The following SAMD3 variants were observed in gnomAD, a reference collection of about 807,000 sequenced individuals.
SAMD3 encodes the protein sterile alpha motif domain containing 3, also known as sterile alpha motif domain-containing protein 3.
SAMD3 carries 63 observed loss-of-function variants against 58.5 expected under a neutral mutation model. That is an observed-to-expected ratio of 1.08 (90% CI 0.88 to 1.33). The LOEUF is 1.33. Ranked by LOEUF, SAMD3 falls within the 40% of genes most tolerant of loss-of-function variation. SAMD3 has a pLI of 0.00. For synonymous variants in SAMD3, 220 were observed against 210.3 expected, an observed-to-expected ratio of 1.05 and a Z score of -0.40; for missense variants, 604 against 608.4, an observed-to-expected ratio of 0.99 and a Z score of 0.08.
At chr6:130,319,687 T>C (rs1454470903) in intron 1 of SAMD3, among the ~76,000 whole-genome samples, 2 of 152,138 alleles carry the variant, frequency 1.3e-5, no homozygotes, top group African/African-American at 4.8e-5. Flanking sequence ...CTATACAAAA[T>C]AATGAAGAGA....
At chr6:130,365,230 G>A in exon 1 of SAMD3, 1 of 985,504 alleles carries the variant, frequency 1.0e-6, no homozygotes, top group South Asian at 4.7e-5. Flanking sequence ...GGGTCAAGGA[G>A]GAGTAACCTG....
chr6:130,365,380 G>C, exon 1 of SAMD3: 7 of 985,536 alleles, frequency 7.1e-6, no homozygotes, highest in Non-Finnish European at 7.2e-6. Flanking sequence ...ACCCCTTGCC[G>C]GGCCGGCGGG....
chr6:130,178,346 T>C (rs529002429), intron 7 of SAMD3, among the ~76,000 whole-genome samples: 46 of 148,808 alleles, frequency 3.1e-4, no homozygotes, highest in Non-Finnish European at 5.5e-4. Context: ...CAATGCCGTG[T>C]GATTGAATAG....
chr6:130,328,365 C>T (rs1776822516), intron 1 of SAMD3, among the ~76,000 whole-genome samples: 1 of 152,186 alleles, frequency 6.6e-6, no homozygotes, highest in African/African-American at 2.4e-5. Flanking sequence ...TACCTAGAGG[C>T]TCTGGCTAGG....
intron 2 of SAMD3, among the ~76,000 whole-genome samples, chr6:130,275,264 A>G (rs936805804): frequency 6.6e-6 from 1 of 151,974 alleles, no homozygotes; most frequent in East Asian, 1.9e-4. Context: ...TTACTTGCTG[A>G]TTTATTTTGC....
chr6:130,240,549 A>G (rs1282781757), intron 2 of SAMD3, among the ~76,000 whole-genome samples: 1 of 152,168 alleles, frequency 6.6e-6, no homozygotes, highest in African/African-American at 2.4e-5. Context: ...TGTCATAGTG[A>G]ATGCTGTGGT....
chr6:130,153,987 T>A (rs1452939149), intron 9 of SAMD3, among the ~76,000 whole-genome samples: 1 of 151,908 alleles, frequency 6.6e-6, no homozygotes, highest in Non-Finnish European at 1.5e-5. Context: ...CTAAATTTCA[T>A]ATATATTTAA....
chr6:130,234,794 AT>A (rs1796637950), intron 2 of SAMD3, among the ~76,000 whole-genome samples: 1 of 152,124 alleles, frequency 6.6e-6, no homozygotes, highest in African/African-American at 2.4e-5. Context: ...ATCTTTATAC[AT>A]TTTTTCTAAA....
At chr6:130,223,719 C>T (rs983309859), upstream of SAMD3, among the ~76,000 whole-genome samples, 4 of 152,188 alleles carry the variant, frequency 2.6e-5, no homozygotes, top group African/African-American at 9.7e-5. Flanking sequence ...CAGTACCCTG[C>T]AGCTCAAACC....
At chr6:130,250,685 T>C (rs1773708672) in intron 2 of SAMD3, among the ~76,000 whole-genome samples, 1 of 152,230 alleles carries the variant, frequency 6.6e-6, no homozygotes, top group Non-Finnish European at 1.5e-5. Flanking sequence ...AATGGCATTG[T>C]ACAATATGTG....
At chr6:130,344,125 T>C (rs1777368601) in intron 1 of SAMD3, among the ~76,000 whole-genome samples, 1 of 152,194 alleles carries the variant, frequency 6.6e-6, no homozygotes, top group African/African-American at 2.4e-5. Flanking sequence ...ATTTATTTTA[T>C]TATAGAGTAA....
rs761536288 is a variant in SAMD3, at chr6:130,146,198, G to A, written c.1024-17C>T. Reference sequence around the variant, plus strand: ...TCTGAACATCTGACAAAAGAAGAAAGCAATGGATACATCAGATCACAAGAA... The same window carrying A: ...TCTGAACATCTGACAAAAGAAGAAAACAATGGATACATCAGATCACAAGAA... On this transcript the variant is annotated splice_polypyrimidine_tract_variant and intron_variant, in intron 9 of 11. Transcript: ENST00000439090. 1.3e-6 allele frequency: 2 copies of A among 1,529,604 alleles called. No homozygotes were observed. The highest frequency in any genetic ancestry group is 2.5e-5 in the South Asian group (2 of 79,046). The allele number at this position is 1,529,604 out of a possible 1,614,324, so 94.8% of individuals were successfully genotyped here. A position where few individuals can be genotyped will look rare whatever the true frequency, so the allele number is the denominator to read the frequency against.
intron 1 of SAMD3, among the ~76,000 whole-genome samples, chr6:130,360,671 C>T (rs1210499093): frequency 2.0e-5 from 3 of 152,164 alleles, no homozygotes; most frequent in Non-Finnish European, 4.4e-5. Context: ...TATCAGGAGA[C>T]AGGGTTTGAG....
chr6:130,346,195 A>G (rs921847058), intron 1 of SAMD3, among the ~76,000 whole-genome samples: 1 of 152,250 alleles, frequency 6.6e-6, no homozygotes, highest in Non-Finnish European at 1.5e-5. Context: ...TACTGGGTTC[A>G]TCTCACTGGG....
At chr6:130,325,965 G>A (rs959122671) in intron 1 of SAMD3, among the ~76,000 whole-genome samples, 2 of 152,118 alleles carry the variant, frequency 1.3e-5, no homozygotes, top group African/African-American at 2.4e-5. Context: ...CCTCCCATGC[G>A]TCTCCCTTAC....
At chr6:130,335,205 G>A (rs1259914664) in intron 1 of SAMD3, among the ~76,000 whole-genome samples, 1 of 152,154 alleles carries the variant, frequency 6.6e-6, no homozygotes, top group Non-Finnish European at 1.5e-5. Flanking sequence ...AAGGTTGTGG[G>A]TTCTCTCCCT....
At chr6:130,172,061 T>G (rs150710334) in intron 8 of SAMD3, among the ~76,000 whole-genome samples, 12,754 of 152,240 alleles carry the variant, frequency 0.084, 784 homozygotes, top group African/African-American at 0.17. Flanking sequence ...CCATTTGCTT[T>G]GTAAATATTC....
chr6:130,349,768 A>T (rs1777594342), intron 1 of SAMD3, among the ~76,000 whole-genome samples: 1 of 152,226 alleles, frequency 6.6e-6, no homozygotes, highest in Non-Finnish European at 1.5e-5. Context: ...ACACAACAAA[A>T]AAAAGAGAAT....
At position 130,332,787 on chromosome 6, in the gene SAMD3, G is replaced by A. The variant is rs565262091; in HGVS notation, c.-303-19694C>T. Among the ~76,000 whole-genome samples the A allele has an allele frequency of 2.0e-5, 3 of 152,270 alleles. No homozygotes were observed. The East Asian group carries it at 5.8e-4, about 29-fold the overall frequency. On this transcript the variant is annotated intron_variant, in intron 1 of 13. Transcript: ENST00000368134. ...ATTAGCTGAGGGAACCCTAGGTCCC[G>A]AGAGGCTGTTTGTGGTTGTTTTATT...
Sources: gnomAD v4.1 joint callset for allele counts (sites outside exome capture counted in the v4.1 genomes callset) on GRCh38, gnomAD v4.1.1 for gene constraint, MANE v1.5 for transcripts, NCBI Gene and HGNC (gene_info 2026-07-23, HGNC 2026-07-21) for gene names.